The following DOCK4 variants were observed in gnomAD, a reference collection of about 807,000 sequenced individuals.
DOCK4 encodes dedicator of cytokinesis protein 4.
DOCK4 carries 97 observed loss-of-function variants against 268.1 expected under a neutral mutation model. That is an observed-to-expected ratio of 0.36 (90% CI 0.31 to 0.43). The LOEUF is 0.43. DOCK4 is among the 20% of genes least tolerant of loss of function. DOCK4 has a pLI of 1.00. For synonymous variants in DOCK4, 954 were observed against 887.2 expected (o/e 1.08, Z -1.34); for missense variants, 2,145 against 2,455.7 (o/e 0.87, Z 2.67).
At chr7:112,150,937 G>A (rs1315465046) in intron 1 of DOCK4, among the ~76,000 whole-genome samples, 2 of 152,120 alleles carry the variant, frequency 1.3e-5, no homozygotes, top group African/African-American at 2.4e-5. Context: ...GGCTTGCAGA[G>A]GTTTGTTTGT....
At chr7:111,930,274 T>C (rs1010879475) in intron 12 of DOCK4, among the ~76,000 whole-genome samples, 1 of 152,238 alleles carries the variant, frequency 6.6e-6, no homozygotes, top group African/African-American at 2.4e-5. Flanking sequence ...TCTCCCAGTT[T>C]CTAAACTCAA....
chr7:112,086,730 T>C (rs1408062838), intron 1 of DOCK4, among the ~76,000 whole-genome samples: 1 of 152,174 alleles, frequency 6.6e-6, no homozygotes, highest in East Asian at 1.9e-4. Context: ...TAACCGATTC[T>C]GACAGAGTTT....
intron 16 of DOCK4, among the ~76,000 whole-genome samples, chr7:111,881,010 C>T (rs1807337995): frequency 6.6e-6 from 1 of 152,218 alleles, no homozygotes; most frequent in South Asian, 2.1e-4. Context: ...TCCAGGACAG[C>T]GGTCTGGGCA....
At chr7:112,132,996 T>C (rs554569331) in intron 1 of DOCK4, among the ~76,000 whole-genome samples, 24 of 152,308 alleles carry the variant, frequency 1.6e-4, no homozygotes, top group African/African-American at 5.3e-4. Context: ...TCAGGGCTCT[T>C]AAAATTTAGA....
chr7:111,850,386 T>C lies in DOCK4; in HGVS notation c.2474-3260A>G, dbSNP rs531187443. On this transcript the variant is annotated intron_variant, in intron 23 of 52. Coordinates refer to ENST00000428084, the MANE Select transcript of DOCK4 (RefSeq NM_001363540.2). ...TTGGCTATGAAGTCCCACTTACCCA[T>C]GCTACATTAGAAATTCAGCCCAATC... Among the ~76,000 whole-genome samples, 320 of 150,830 alleles carry C rather than the reference T, an allele frequency of 2.1e-3. 1 individual carries two copies. The highest frequency in any genetic ancestry group is 7.5e-3 in the African/African-American group (311 of 41,242).
At chr7:111,898,401 AC>A (rs2134399819) in intron 15 of DOCK4, among the ~76,000 whole-genome samples, 1 of 152,346 alleles carries the variant, frequency 6.6e-6, no homozygotes, top group Non-Finnish European at 1.5e-5. Context: ...AAATAGCAAC[AC>A]AGTACCATCA....
chr7:112,110,793 T>C (rs455), intron 1 of DOCK4, among the ~76,000 whole-genome samples: 106,393 of 152,042 alleles, frequency 0.7, 37,301 homozygotes, highest in South Asian at 0.78. Flanking sequence ...TATCCACTGC[T>C]TGGGGAAGTC....
chr7:111,968,631 C>G (rs1471095635), intron 8 of DOCK4, among the ~76,000 whole-genome samples: 2 of 117,570 alleles, frequency 1.7e-5, no homozygotes, highest in Non-Finnish European at 3.3e-5. Flanking sequence ...ACTAGTTCAA[C>G]CATTGTGGAA....
intron 23 of DOCK4, among the ~76,000 whole-genome samples, chr7:111,859,288 T>C (rs1805284208): frequency 6.6e-6 from 1 of 152,216 alleles, no homozygotes; most frequent in South Asian, 2.1e-4. Context: ...AAGAAGTTTG[T>C]GTTGTTTTAA....
intron 12 of DOCK4, among the ~76,000 whole-genome samples, chr7:111,930,706 T>C (rs1794129576): frequency 6.6e-6 from 1 of 152,206 alleles, no homozygotes; most frequent in African/African-American, 2.4e-5. Context: ...CAATTTCTTG[T>C]GCTCTTGCTT....
chr7:112,201,282 G>A (rs1820912525), intron 1 of DOCK4, among the ~76,000 whole-genome samples: 1 of 152,138 alleles, frequency 6.6e-6, no homozygotes, highest in Admixed American at 6.5e-5. Context: ...CTACCCAGAT[G>A]AGTTCAAAAA....
At chr7:111,921,104 T>C (rs941546959) in intron 12 of DOCK4, among the ~76,000 whole-genome samples, 6 of 152,264 alleles carry the variant, frequency 3.9e-5, no homozygotes, top group South Asian at 2.1e-4. Flanking sequence ...CAAAATGAAA[T>C]TGCTGTGGGA....
chr7:111,939,471 C>T (rs1795025421), intron 11 of DOCK4, among the ~76,000 whole-genome samples: 2 of 145,916 alleles, frequency 1.4e-5, no homozygotes, highest in Non-Finnish European at 3.0e-5. Context: ...GCTGAGATCA[C>T]ACCACTGCAC....
At chr7:111,831,533 G>A (rs1335945710) in intron 26 of DOCK4, among the ~76,000 whole-genome samples, 1 of 150,396 alleles carries the variant, frequency 6.6e-6, no homozygotes, top group African/African-American at 2.5e-5. Flanking sequence ...TGCCCAGGTT[G>A]GAGAGGAGTG....
chr7:111,847,805 C>T (rs1804235408), intron 23 of DOCK4, among the ~76,000 whole-genome samples: 1 of 152,136 alleles, frequency 6.6e-6, no homozygotes, highest in East Asian at 1.9e-4. Flanking sequence ...TATAACTTAC[C>T]CAGTCTTCAG....
intron 1 of DOCK4, among the ~76,000 whole-genome samples, chr7:112,151,121 T>C (rs1288235575): frequency 6.6e-6 from 1 of 152,154 alleles, no homozygotes; most frequent in Non-Finnish European, 1.5e-5. Context: ...TCCTAGGAGA[T>C]ATGATGTAAT....
intron 42 of DOCK4, among the ~76,000 whole-genome samples, chr7:111,752,578 GT>G (rs56037303): frequency 7.2e-3 from 590 of 82,232 alleles, no homozygotes; most frequent in Middle Eastern, 0.03. Context: ...ATCAGCTTAG[GT>G]TTTTTTTTTT....
intron 11 of DOCK4, among the ~76,000 whole-genome samples, chr7:111,936,872 G>A (rs1794788327): frequency 6.6e-6 from 1 of 152,150 alleles, no homozygotes; most frequent in African/African-American, 2.4e-5. Context: ...TGATTTTTGA[G>A]CCAATTAACA....
intron 44 of DOCK4, among the ~76,000 whole-genome samples, chr7:111,742,757 G>T (rs1796004608): frequency 6.6e-6 from 1 of 152,174 alleles, no homozygotes; most frequent in East Asian, 1.9e-4. Flanking sequence ...ACTTTGGGAG[G>T]CCAAGGCGGG....
Sources: gnomAD v4.1 joint callset for allele counts (sites outside exome capture counted in the v4.1 genomes callset) on GRCh38, gnomAD v4.1.1 for gene constraint, MANE v1.5 for transcripts, NCBI Gene and HGNC (gene_info 2026-07-23, HGNC 2026-07-21) for gene names.